The following SLC24A2 variants were observed in gnomAD, a reference collection of about 807,000 sequenced individuals.
The protein encoded by SLC24A2 is solute carrier family 24 member 2.
SLC24A2 carries 36 observed loss-of-function variants against 62.0 expected under a neutral mutation model. The observed-to-expected ratio is 0.58, with a 90% confidence interval of 0.44 to 0.77. The LOEUF (loss-of-function observed/expected upper bound fraction) is 0.77. Among genes scored for constraint, SLC24A2 ranks in the 30% least tolerant of loss-of-function variants. The pLI is 0.00. For missense variants in SLC24A2, 846 were observed against 817.9 expected, an observed-to-expected ratio of 1.03 and a Z score of -0.42; for synonymous variants, 358 against 294.0, an observed-to-expected ratio of 1.22 and a Z score of -2.23.
chr9:20,293,842 C>A, the SLC24A2 span, among the ~76,000 whole-genome samples: 2 of 152,120 alleles, frequency 1.3e-5, no homozygotes, highest in Non-Finnish European at 2.9e-5. Flanking sequence ...CCACTCCCAC[C>A]CCCTTAGTCC....
chr9:19,579,194 A>G (rs1368331297), intron 5 of SLC24A2, among the ~76,000 whole-genome samples: 1 of 152,218 alleles, frequency 6.6e-6, no homozygotes, highest in Non-Finnish European at 1.5e-5. Context: ...GACTAGGAAA[A>G]GGAGGTGGTA....
At chr9:20,077,499 C>A in the SLC24A2 span, among the ~76,000 whole-genome samples, 1 of 152,088 alleles carries the variant, frequency 6.6e-6, no homozygotes, top group African/African-American at 2.4e-5. Context: ...ACCTCACAGT[C>A]GGCGCTCTAC....
chr9:19,860,870 G>T, the SLC24A2 span, among the ~76,000 whole-genome samples: 6 of 152,198 alleles, frequency 3.9e-5, no homozygotes, highest in African/African-American at 1.4e-4. Context: ...TTGGAAAGGG[G>T]AGAGAAGAGT....
the SLC24A2 span, among the ~76,000 whole-genome samples, chr9:19,919,316 T>C: frequency 2.0e-5 from 3 of 152,150 alleles, no homozygotes; most frequent in Admixed American, 1.3e-4. Context: ...TTTTAGAATA[T>C]TCGACTTTAT....
chr9:19,593,583 G>C (rs1410523581), intron 5 of SLC24A2, among the ~76,000 whole-genome samples: 1 of 152,102 alleles, frequency 6.6e-6, no homozygotes, highest in African/African-American at 2.4e-5. Context: ...TGTTCATGTA[G>C]AAAGAAATGC....
At chr9:19,914,599 G>T in the SLC24A2 span, among the ~76,000 whole-genome samples, 63,438 of 151,946 alleles carry the variant, frequency 0.42, 14,370 homozygotes, top group Non-Finnish European at 0.52. Flanking sequence ...TCTGAGCCAG[G>T]CAGAGGACAT....
At chr9:19,887,026 A>T in the SLC24A2 span, among the ~76,000 whole-genome samples, 1 of 151,760 alleles carries the variant, frequency 6.6e-6, no homozygotes, top group Non-Finnish European at 1.5e-5. Flanking sequence ...CACAGGGAGG[A>T]AAACAACACA....
chr9:20,011,745 A>G, the SLC24A2 span, among the ~76,000 whole-genome samples: 1 of 152,228 alleles, frequency 6.6e-6, no homozygotes, highest in Non-Finnish European at 1.5e-5. Context: ...AAATAATTTT[A>G]CCAAGACACA....
the SLC24A2 span, among the ~76,000 whole-genome samples, chr9:19,982,059 A>G: frequency 2.0e-5 from 3 of 152,132 alleles, no homozygotes; most frequent in African/African-American, 4.8e-5. Flanking sequence ...GAAGATTGCA[A>G]TGAGTGAATA....
chr9:20,107,896 G>A, the SLC24A2 span, among the ~76,000 whole-genome samples: 2 of 152,148 alleles, frequency 1.3e-5, no homozygotes, highest in African/African-American at 4.8e-5. Flanking sequence ...ACTACCATCA[G>A]AGTGAACAGG....
At chr9:19,787,244 G>T (rs1823202832) in intron 1 of SLC24A2, among the ~76,000 whole-genome samples, 9 of 152,106 alleles carry the variant, frequency 5.9e-5, no homozygotes, top group Admixed American at 5.9e-4. Context: ...ACTTAGTATG[G>T]GATGTGGCAC....
the SLC24A2 span, among the ~76,000 whole-genome samples, chr9:20,023,376 G>T: frequency 6.6e-6 from 1 of 152,192 alleles, no homozygotes; most frequent in Non-Finnish European, 1.5e-5. Flanking sequence ...ATAGTGCAGT[G>T]AGCAGGAGGT....
chr9:19,533,550 C>A (rs1309256983), intron 8 of SLC24A2, among the ~76,000 whole-genome samples: 1 of 152,212 alleles, frequency 6.6e-6, no homozygotes, highest in Non-Finnish European at 1.5e-5. Flanking sequence ...TTGCTGCTCT[C>A]GGCACTTTGC....
chr9:20,253,908 C>A, the SLC24A2 span, among the ~76,000 whole-genome samples: 2 of 151,970 alleles, frequency 1.3e-5, no homozygotes, highest in African/African-American at 2.4e-5. Flanking sequence ...ATGCTTCATA[C>A]CAAATGCTTT....
At chr9:19,973,502 C>T in the SLC24A2 span, among the ~76,000 whole-genome samples, 136 of 152,296 alleles carry the variant, frequency 8.9e-4, no homozygotes, top group Non-Finnish European at 3.7e-4. Context: ...AGTAGATAGA[C>T]GTGGGCGTTG....
chr9:20,056,728 C>T, the SLC24A2 span, among the ~76,000 whole-genome samples: 3 of 152,146 alleles, frequency 2.0e-5, no homozygotes, highest in Non-Finnish European at 1.5e-5. Context: ...CCCTTTTGGT[C>T]TCTGAAGCTT....
chr9:20,228,885 G>C, the SLC24A2 span, among the ~76,000 whole-genome samples: 1 of 152,134 alleles, frequency 6.6e-6, no homozygotes, highest in Non-Finnish European at 1.5e-5. Context: ...TAAATGGAGG[G>C]TGAAGCATGG....
intron 2 of SLC24A2, among the ~76,000 whole-genome samples, chr9:19,754,563 C>G (rs926153484): frequency 6.6e-6 from 1 of 152,048 alleles, no homozygotes; most frequent in East Asian, 1.9e-4. Flanking sequence ...TTCAGCCAAT[C>G]AGACACTCTC....
At chr9:19,634,415 A>G (rs768568270) in intron 2 of SLC24A2, among the ~76,000 whole-genome samples, 87 of 151,568 alleles carry the variant, frequency 5.7e-4, no homozygotes, top group South Asian at 1.3e-3. Flanking sequence ...CAGCCTCCTG[A>G]GTAGCTGGGA....
Sources: allele counts gnomAD v4.1 joint callset (sites outside exome capture counted in the v4.1 genomes callset), GRCh38; gene constraint gnomAD v4.1.1; transcripts MANE v1.5; gene names NCBI Gene and HGNC (gene_info 2026-07-23, HGNC 2026-07-21).